GRID2: variants seen among roughly 807,000 people sequenced by gnomAD.
GRID2 encodes the protein glutamate receptor ionotropic, delta-2.
GRID2 carries 33 observed loss-of-function variants against 114.8 expected under a neutral mutation model. That is an observed-to-expected ratio of 0.29 (90% CI 0.22 to 0.38). The LOEUF is 0.38. Among genes scored for constraint, GRID2 ranks in the 10% least tolerant of loss-of-function variants. The pLI is 1.00. For synonymous variants in GRID2, 505 were observed against 449.9 expected, an observed-to-expected ratio of 1.12 and a Z score of -1.55; for missense variants, 1,184 against 1,257.7, an observed-to-expected ratio of 0.94 and a Z score of 0.89.
intron 2 of GRID2, among the ~76,000 whole-genome samples, chr4:92,683,411 A>G (rs1733748778): frequency 6.6e-6 from 1 of 152,190 alleles, no homozygotes; most frequent in Admixed American, 6.5e-5. Flanking sequence ...AGAAGTGCAC[A>G]ATCTGAAACC....
At chr4:92,656,776 A>T (rs893343766) in intron 2 of GRID2, among the ~76,000 whole-genome samples, 17 of 151,890 alleles carry the variant, frequency 1.1e-4, no homozygotes, top group African/African-American at 4.1e-4. Flanking sequence ...GAATATTAAC[A>T]TGAGGAATTA....
At chr4:93,529,075 T>G (rs1257996138) in intron 13 of GRID2, among the ~76,000 whole-genome samples, 2 of 152,164 alleles carry the variant, frequency 1.3e-5, no homozygotes, top group African/African-American at 4.8e-5. Flanking sequence ...TTAAAAAACT[T>G]AAGTCTGTAA....
At chr4:93,459,910 T>A (rs760492814) in intron 11 of GRID2, among the ~76,000 whole-genome samples, 1 of 152,220 alleles carries the variant, frequency 6.6e-6, no homozygotes, top group African/African-American at 2.4e-5. Flanking sequence ...CTCTTTCTCA[T>A]CTTGTATATC....
rs546206629 is a variant in GRID2, at chr4:92,470,841, A to G, written c.89-119290A>G. Among the ~76,000 whole-genome samples the G allele has an allele frequency of 7.4e-4, 112 of 152,190 alleles. 1 individual carries two copies. Among genetic ancestry groups the G allele is most frequent in the African/African-American group, 2.5e-3 (104 of 41,564 alleles). On this transcript the variant is annotated intron_variant, in intron 1 of 15. Coordinates refer to ENST00000282020, the MANE Select transcript of GRID2 (RefSeq NM_001510.4). ...TTAACACAGTAAGCCAGAATAATAT[A>G]TATGATTTTTCCCATTTTACAGATT...
chr4:93,378,712 C>A (rs1763589963), intron 8 of GRID2, among the ~76,000 whole-genome samples: 1 of 152,006 alleles, frequency 6.6e-6, no homozygotes, highest in South Asian at 2.1e-4. Flanking sequence ...AATTTTTATT[C>A]CAAATTTTCT....
intron 8 of GRID2, among the ~76,000 whole-genome samples, chr4:93,311,144 G>A (rs1035666503): frequency 1.3e-5 from 2 of 152,190 alleles, no homozygotes; most frequent in African/African-American, 4.8e-5. Flanking sequence ...TGAAAAGCCA[G>A]ACACAAGAAT....
chr4:92,424,625 C>G (rs1732065318), intron 1 of GRID2, among the ~76,000 whole-genome samples: 1 of 151,640 alleles, frequency 6.6e-6, no homozygotes, highest in African/African-American at 2.4e-5. Flanking sequence ...ATTTACAAAA[C>G]CCTCAGTGTA....
rs148534808 is a variant in GRID2 at position 92,548,058 on chromosome 4, C to T, written c.89-42073C>T. Among the ~76,000 whole-genome samples the T allele has an allele frequency of 2.0e-3, 307 of 151,976 alleles. 2 individuals are homozygous for T. The highest frequency in any genetic ancestry group is 0.01 in the Middle Eastern group (3 of 294). On this transcript the variant is annotated intron_variant, in intron 1 of 15. Coordinates refer to ENST00000282020, the MANE Select transcript of GRID2 (RefSeq NM_001510.4). ...AACAATAATGATAAAATGTATACATCTAGAATGGTACTGAGGACAGAAGGA... is the reference window on the plus strand; with the variant it reads ...AACAATAATGATAAAATGTATACATTTAGAATGGTACTGAGGACAGAAGGA...
chr4:93,042,275 T>TCTC (rs1725607777), intron 2 of GRID2, among the ~76,000 whole-genome samples: 2 of 125,628 alleles, frequency 1.6e-5, no homozygotes, highest in East Asian at 2.4e-4. Context: ...CTCTCTCTCT[T>TCTC]TCTCTCTCTC....
At chr4:92,469,178 G>C (rs1721899813) in intron 1 of GRID2, among the ~76,000 whole-genome samples, 1 of 152,084 alleles carries the variant, frequency 6.6e-6, no homozygotes, top group East Asian at 1.9e-4. Context: ...CCTTATCAAA[G>C]AAAACTTTCT....
At chr4:92,520,972 A>G (rs1256592403) in intron 1 of GRID2, among the ~76,000 whole-genome samples, 6 of 152,104 alleles carry the variant, frequency 3.9e-5, no homozygotes, top group Non-Finnish European at 7.4e-5. Context: ...AGCTGAGAAA[A>G]AAAGGAAACA....
rs114232959 is a variant in GRID2, at chr4:93,481,896, G to A, written c.1859-8743G>A. ...ATTGCAGGCTTGATGGAGGGAGGAA[G>A]GTCAAAAGATTGAAGATGGCATAGG... On this transcript the variant is annotated intron_variant, in intron 11 of 15. Transcript: ENST00000282020. Among the ~76,000 whole-genome samples the A allele has an allele frequency of 3.5e-3, 535 of 152,014 alleles. 4 individuals carry two copies. The highest frequency in any genetic ancestry group is 0.012 in the African/African-American group (517 of 41,466).
chr4:92,692,663 G>A (rs977684623), intron 2 of GRID2, among the ~76,000 whole-genome samples: 10 of 152,058 alleles, frequency 6.6e-5, no homozygotes, highest in African/African-American at 2.4e-4. Flanking sequence ...GGGGTAAAGT[G>A]GTGAGAGAAA....
At chr4:92,900,936 C>CTGTGTGTGTGTGTGTGTGTGTGTG (rs67753622) in intron 2 of GRID2, among the ~76,000 whole-genome samples, 11 of 149,776 alleles carry the variant, frequency 7.3e-5, no homozygotes, top group East Asian at 2.0e-4. Flanking sequence ...TAGTATTCGT[C>CTGTGTGTGTGTGTGTGTGTGTGTG]TGTGTGTGTG....
intron 1 of GRID2, among the ~76,000 whole-genome samples, chr4:92,496,019 C>T (rs1209275053): frequency 6.6e-6 from 1 of 151,740 alleles, no homozygotes; most frequent in Non-Finnish European, 1.5e-5. Context: ...TGTATTTCCT[C>T]AAGACAGAAA....
In GRID2 at chr4:93,752,531, C is replaced by T. The variant is rs150620225; in HGVS notation, c.2361-16679C>T. On this transcript the variant is annotated intron_variant, in intron 14 of 15. Transcript: ENST00000282020. ...GACTACAGGCACCTGCCACCACGCC[C>T]GGCTAATATTTTGTACGTTTAGTAG... 6.6e-3 allele frequency among the ~76,000 whole-genome samples: 997 copies of T among 152,114 alleles called. 6 individuals are homozygous for T. Among genetic ancestry groups the T allele is most frequent in the Non-Finnish European group, 0.01 (704 of 67,986 alleles).
At chr4:93,647,321 A>G (rs1722199484) in intron 14 of GRID2, among the ~76,000 whole-genome samples, 1 of 152,206 alleles carries the variant, frequency 6.6e-6, no homozygotes, top group Non-Finnish European at 1.5e-5. Flanking sequence ...TAAGAAATTT[A>G]TCTCACATAG....
At chr4:92,954,208 T>C (rs1044429024) in intron 2 of GRID2, among the ~76,000 whole-genome samples, 7 of 152,086 alleles carry the variant, frequency 4.6e-5, no homozygotes, top group Non-Finnish European at 8.8e-5. Context: ...TGTGTATATA[T>C]GTATACACAC....
chr4:93,624,569 T>C (rs2149687344), intron 13 of GRID2, among the ~76,000 whole-genome samples: 1 of 152,300 alleles, frequency 6.6e-6, no homozygotes, highest in Non-Finnish European at 1.5e-5. Context: ...TTCTTGTGTC[T>C]ATTGAAAGAT....
Sources: gnomAD v4.1 joint callset for allele counts (sites outside exome capture counted in the v4.1 genomes callset) on GRCh38, gnomAD v4.1.1 for gene constraint, MANE v1.5 for transcripts, NCBI Gene and HGNC (gene_info 2026-07-23, HGNC 2026-07-21) for gene names.